Variants in LYPD6 observed in about 807,000 individuals in gnomAD.
LYPD6 encodes LY6/PLAUR domain containing 6, also known as ly6/PLAUR domain-containing protein 6.
In LYPD6, 15 loss-of-function variants were observed where a neutral mutation model predicts 22.7. The observed-to-expected ratio is 0.66, with a 90% CI of 0.44 to 1.02. The LOEUF (loss-of-function observed/expected upper bound fraction) is 1.02. Among genes scored for constraint, LYPD6 ranks in the 50% least tolerant of loss-of-function variants. The probability of loss-of-function intolerance (pLI) is 0.00; values close to 1 mark genes in which losing one functional copy is unlikely to be tolerated. For missense variants in LYPD6, 189 were observed against 208.4 expected, an observed-to-expected ratio of 0.91 and a Z score of 0.57; for synonymous variants, 72 against 77.5, an observed-to-expected ratio of 0.93 and a Z score of 0.37.
At chr2:149,376,133 G>A (rs530888209) in intron 1 of LYPD6, among the ~76,000 whole-genome samples, 25 of 152,296 alleles carry the variant, frequency 1.6e-4, no homozygotes, top group Admixed American at 3.3e-4. Context: ...AAGTTGAGCA[G>A]TGTCAGCCCG....
At position 149,354,630 on chromosome 2, in the gene LYPD6, G is replaced by C. The variant is rs567358723; in HGVS notation, c.-72+23908G>C. Among the ~76,000 whole-genome samples, 4 of 152,264 alleles carry C rather than the reference G, an allele frequency of 2.6e-5. No individual in the cohort carries two copies. In the East Asian group the frequency reaches 7.7e-4, roughly 29 times the overall value. ...GGCCCCATTATTTAATTTGTATTAA[G>C]GAATGCACCTGTGTTGTTGGAAAAC... On this transcript the variant is annotated intron_variant, in intron 1 of 4. Transcript: ENST00000334166.
chr2:149,444,962 G>A (rs896429830), intron 2 of LYPD6, among the ~76,000 whole-genome samples: 5 of 152,022 alleles, frequency 3.3e-5, no homozygotes, highest in Non-Finnish European at 4.4e-5. Flanking sequence ...ATTCATCAGC[G>A]GAATCATGAT....
intron 3 of LYPD6, among the ~76,000 whole-genome samples, chr2:149,460,137 A>G (rs576438607): frequency 4.6e-5 from 7 of 152,292 alleles, no homozygotes; most frequent in Non-Finnish European, 8.8e-5. Flanking sequence ...AATGTAAGAA[A>G]AAACAAAAAC....
chr2:149,418,144 C>A (rs1190668195), intron 1 of LYPD6, among the ~76,000 whole-genome samples: 1 of 152,148 alleles, frequency 6.6e-6, no homozygotes. Flanking sequence ...CAAATCTTCA[C>A]AGCAGGAAGG....
At chr2:149,402,407 G>A (rs1432909662) in intron 1 of LYPD6, among the ~76,000 whole-genome samples, 1 of 152,208 alleles carries the variant, frequency 6.6e-6, no homozygotes. Context: ...ATACCTAGCA[G>A]TGGGATTGCT....
intron 1 of LYPD6, among the ~76,000 whole-genome samples, chr2:149,387,092 C>T (rs1018204289): frequency 3.9e-5 from 6 of 152,212 alleles, no homozygotes; most frequent in Non-Finnish European, 5.9e-5. Context: ...CCCAGCAGGC[C>T]ACTTCTCTCT....
At chr2:149,408,848 T>G (rs1224413286) in intron 1 of LYPD6, among the ~76,000 whole-genome samples, 1 of 152,228 alleles carries the variant, frequency 6.6e-6, no homozygotes, top group Non-Finnish European at 1.5e-5. Context: ...AGTGGGACTT[T>G]GCCTTTCTCT....
chr2:149,336,565 A>G (rs1296953834), intron 1 of LYPD6, among the ~76,000 whole-genome samples: 1 of 152,200 alleles, frequency 6.6e-6, no homozygotes, highest in Non-Finnish European at 1.5e-5. Flanking sequence ...GCTATTTTAA[A>G]AATATATATG....
the LYPD6 span, among the ~76,000 whole-genome samples, chr2:149,482,605 C>G: frequency 6.6e-6 from 1 of 152,172 alleles, no homozygotes; most frequent in South Asian, 2.1e-4. Flanking sequence ...TCTAGCCAGT[C>G]CCCTTTTATT....
At chr2:149,348,433 A>G (rs1220834022) in intron 1 of LYPD6, among the ~76,000 whole-genome samples, 1 of 152,224 alleles carries the variant, frequency 6.6e-6, no homozygotes, top group Non-Finnish European at 1.5e-5. Context: ...TGTGGTTGTC[A>G]TGGATGACTC....
chr2:149,375,713 T>C (rs896568751), intron 1 of LYPD6, among the ~76,000 whole-genome samples: 6 of 152,156 alleles, frequency 3.9e-5, no homozygotes, highest in Non-Finnish European at 5.9e-5. Context: ...GACAGTGTTG[T>C]TATTATTGCT....
chr2:149,430,494 G>A (rs764977830), intron 1 of LYPD6, among the ~76,000 whole-genome samples: 30 of 152,128 alleles, frequency 2.0e-4, no homozygotes, highest in Non-Finnish European at 4.1e-4. Context: ...AAGAGACTTA[G>A]CTTTTGAAAG....
intron 1 of LYPD6, among the ~76,000 whole-genome samples, chr2:149,425,225 A>C (rs1049770686): frequency 3.9e-5 from 6 of 152,232 alleles, no homozygotes; most frequent in Admixed American, 1.3e-4. Context: ...TGGCACATCA[A>C]CATCACACCA....
intron 1 of LYPD6, among the ~76,000 whole-genome samples, chr2:149,350,175 G>C (rs1409009157): frequency 6.6e-6 from 1 of 152,182 alleles, no homozygotes; most frequent in Non-Finnish European, 1.5e-5. Flanking sequence ...CAGAACAAAT[G>C]GTTAGAGACA....
At chr2:149,456,036 A>G (rs1023445068) in intron 3 of LYPD6, among the ~76,000 whole-genome samples, 6 of 152,156 alleles carry the variant, frequency 3.9e-5, no homozygotes, top group African/African-American at 1.2e-4. Context: ...GCCTTGAGGA[A>G]TTTTTTACTT....
chr2:149,390,774 A>G (rs1682290178), intron 1 of LYPD6, among the ~76,000 whole-genome samples: 1 of 152,206 alleles, frequency 6.6e-6, no homozygotes. Flanking sequence ...TTGAATGGAA[A>G]TATTACTAGA....
chr2:149,388,764 A>C (rs139950843), intron 1 of LYPD6, among the ~76,000 whole-genome samples: 1 of 152,324 alleles, frequency 6.6e-6, no homozygotes, highest in Non-Finnish European at 1.5e-5. Context: ...GAGTTGGAAT[A>C]TCTTTTCCTC....
the LYPD6 span, among the ~76,000 whole-genome samples, chr2:149,484,537 C>A: frequency 0.9 from 137,163 of 152,234 alleles, 61,788 homozygotes; most frequent in East Asian, 1. Flanking sequence ...ACAGACCTTC[C>A]TAGCTCCATA....
intron 1 of LYPD6, among the ~76,000 whole-genome samples, chr2:149,386,808 C>G (rs1028108066): frequency 1.3e-5 from 2 of 152,156 alleles, no homozygotes; most frequent in Non-Finnish European, 2.9e-5. Flanking sequence ...AGCCAGATGG[C>G]TGACAGTGGG....
Sources: gnomAD v4.1 joint callset for allele counts (sites outside exome capture counted in the v4.1 genomes callset) on GRCh38, gnomAD v4.1.1 for gene constraint, MANE v1.5 for transcripts, NCBI Gene and HGNC (gene_info 2026-07-23, HGNC 2026-07-21) for gene names.